The following ABCB4 variants were observed in gnomAD, a reference collection of about 807,000 sequenced individuals.
The protein encoded by ABCB4 is phosphatidylcholine translocator ABCB4.
Under a neutral mutation model 145.7 loss-of-function variants are expected in ABCB4, and 76 were observed. The observed-to-expected ratio is 0.52, with a 90% CI of 0.43 to 0.63. The LOEUF (loss-of-function observed/expected upper bound fraction) is 0.63. Ranked by LOEUF, ABCB4 falls within the 30% of genes least tolerant of loss-of-function variation. The pLI, the probability that ABCB4 is intolerant of heterozygous loss-of-function variation, is 0.00. For synonymous variants in ABCB4, 517 were observed against 566.8 expected (o/e 0.91, Z 1.25); for missense variants, 1,234 against 1,553.1 (o/e 0.79, Z 3.45).
Position 87,429,473 on chromosome 7 carries a change from GA to G in ABCB4, c.1893+1930del, listed in dbSNP as rs1199570429. Reference sequence around the variant, plus strand: ...AAAGTAAGCTTGGGAATTTGATATAGAAAGGTCAGAGCTGTCTGCATCTCTT... The same window carrying G: ...AAAGTAAGCTTGGGAATTTGATATAGAAGGTCAGAGCTGTCTGCATCTCTT... On this transcript the variant is annotated intron_variant, in intron 15 of 27. Transcript: ENST00000649586. Among the ~76,000 whole-genome samples, 4 of 152,276 alleles carry G rather than the reference GA, an allele frequency of 2.6e-5. No individual in the cohort carries two copies. The East Asian group carries it at 5.8e-4, about 22-fold the overall frequency.
chr7:87,424,188 G>T, intron 16 of ABCB4, 136 bp from the exon 17 acceptor site: 1 of 971,532 alleles, frequency 1.0e-6, no homozygotes, highest in Non-Finnish European at 1.6e-6. Flanking sequence ...AACTACTAGA[G>T]AGTAGGACAG....
chr7:87,407,602 G>C (rs566250545), intron 25 of ABCB4, among the ~76,000 whole-genome samples: 1 of 152,310 alleles, frequency 6.6e-6, no homozygotes, highest in Non-Finnish European at 1.5e-5. Flanking sequence ...GGAGGTTGAG[G>C]ATCAAAGTCA....
chr7:87,458,417 A>G (rs1195085712), intron 4 of ABCB4, among the ~76,000 whole-genome samples: 2 of 152,084 alleles, frequency 1.3e-5, no homozygotes, highest in African/African-American at 4.8e-5. Flanking sequence ...TGTAATATGA[A>G]CCTTTTTTTC....
chr7:87,382,489 C>T, the ABCB4 span: 148 of 1,613,812 alleles, frequency 9.2e-5, no homozygotes, highest in Non-Finnish European at 1.2e-4. Flanking sequence ...ATGCTTCACC[C>T]GGATACGTTT....
chr7:87,406,164 T>A lies in ABCB4; in HGVS notation c.3486+124A>T, dbSNP rs967299213. On this transcript the variant is annotated intron_variant, in intron 26 of 27. Transcript: ENST00000649586. ...AGGAAGCTTGGTATCCTGAAGTGCC[T>A]TGTCCAAGTTGTTAATGTTAGTAAA... The A allele has an allele frequency of 1.7e-5, 17 of 995,200 alleles. No homozygotes were observed. In the Middle Eastern group the frequency reaches 6.4e-4, roughly 37 times the overall value. 61.6% of individuals were successfully genotyped at this position (995,200 alleles called of 1,614,324 possible).
At chr7:87,466,747 A>G (rs1812933658) in intron 3 of ABCB4, among the ~76,000 whole-genome samples, 2 of 152,246 alleles carry the variant, frequency 1.3e-5, no homozygotes, top group Non-Finnish European at 1.5e-5. Flanking sequence ...CCAATATTCA[A>G]CATTCTTAAA....
the ABCB4 span, among the ~76,000 whole-genome samples, chr7:87,392,099 C>A: frequency 6.6e-6 from 1 of 152,158 alleles, no homozygotes; most frequent in Non-Finnish European, 1.5e-5. Context: ...GGAACCAGGA[C>A]AGTTGTATGC....
intron 4 of ABCB4, among the ~76,000 whole-genome samples, chr7:87,457,332 C>T (rs964796257): frequency 1.3e-5 from 2 of 152,082 alleles, no homozygotes; most frequent in African/African-American, 4.8e-5. Flanking sequence ...ATTACTTGAG[C>T]CCAGGAGCTC....
At chr7:87,417,892 A>AC (rs1809099151) in intron 20 of ABCB4, among the ~76,000 whole-genome samples, 1 of 152,264 alleles carries the variant, frequency 6.6e-6, no homozygotes, top group Non-Finnish European at 1.5e-5. Flanking sequence ...TAAAAGGGAA[A>AC]GAGACCATCT....
chr7:87,418,757 C>A, intron 19 of ABCB4, 137 bp from the exon 20 acceptor site: 1 of 777,012 alleles, frequency 1.3e-6, no homozygotes, highest in South Asian at 1.5e-5. Flanking sequence ...TGGCCTTGCT[C>A]TGAGCACACA....
At chr7:87,392,428 G>A in the ABCB4 span, 3 of 683,326 alleles carry the variant, frequency 4.4e-6, no homozygotes, top group East Asian at 2.5e-5. Flanking sequence ...GAAAGATATA[G>A]GAGTATGTGT....
chr7:87,438,960 T>C lies in ABCB4; in HGVS notation c.1731+707A>G, dbSNP rs45532637. Among the ~76,000 whole-genome samples the C allele has an allele frequency of 2.7e-3, 415 of 152,306 alleles. 2 individuals carry two copies. Among genetic ancestry groups the C allele is most frequent in the Middle Eastern group, 0.017 (5 of 294 alleles). ...ACTTGCACATATTATTACTGAACTG[T>C]CTTAAATCAAATATATTTATGATAT... On this transcript the variant is annotated intron_variant, in intron 14 of 27. Transcript: ENST00000649586.
chr7:87,467,941 C>T (rs1813048260), intron 3 of ABCB4, among the ~76,000 whole-genome samples: 1 of 152,140 alleles, frequency 6.6e-6, no homozygotes, highest in Non-Finnish European at 1.5e-5. Flanking sequence ...CAAGAGAAAG[C>T]AGGAAAGGTG....
At position 87,432,535 on chromosome 7, in the gene ABCB4, T is replaced by C. The variant is rs45499593; in HGVS notation, c.1732-970A>G. 2.9e-3 allele frequency among the ~76,000 whole-genome samples: 438 copies of C among 152,364 alleles called. 2 individuals carry two copies. Among genetic ancestry groups the C allele is most frequent in the Non-Finnish European group, 5.2e-3 (353 of 68,034 alleles). On this transcript the variant is annotated intron_variant, in intron 14 of 27. Transcript: ENST00000649586. ...GTATATCCATATAATGGAATATTGT[T>C]AGGCCATAAAATAGAATGCATTTTG... is the stretch of plus-strand genomic sequence containing the variant.
At chr7:87,387,230 A>G in the ABCB4 span, among the ~76,000 whole-genome samples, 1 of 152,030 alleles carries the variant, frequency 6.6e-6, no homozygotes, top group Non-Finnish European at 1.5e-5. Context: ...CTACTCTGCC[A>G]TTATGGTAAC....
At chr7:87,403,522 C>T in intron 26 of ABCB4, 1 of 533,538 alleles carries the variant, frequency 1.9e-6, no homozygotes, top group Non-Finnish European at 3.3e-6. Flanking sequence ...TCTAAAATAA[C>T]AAATGCTATA....
chr7:87,457,537 T>C (rs573313785), intron 4 of ABCB4, among the ~76,000 whole-genome samples: 1 of 152,322 alleles, frequency 6.6e-6, no homozygotes, highest in Non-Finnish European at 1.5e-5. Flanking sequence ...TTTTAGAGAG[T>C]ACCTATATAA....
At chr7:87,426,065 T>G (rs1809782323) in intron 16 of ABCB4, among the ~76,000 whole-genome samples, 1 of 152,090 alleles carries the variant, frequency 6.6e-6, no homozygotes, top group Non-Finnish European at 1.5e-5. Flanking sequence ...CATTGCTAAG[T>G]ATGGCCATGT....
the ABCB4 span, chr7:87,391,855 C>A: frequency 1.2e-6 from 1 of 805,540 alleles, no homozygotes; most frequent in South Asian, 1.8e-5. Context: ...GTTTTTAAAG[C>A]ATTTGTTCAT....
Sources: allele counts gnomAD v4.1 joint callset (sites outside exome capture counted in the v4.1 genomes callset), GRCh38; gene constraint gnomAD v4.1.1; transcripts MANE v1.5; gene names NCBI Gene and HGNC (gene_info 2026-07-23, HGNC 2026-07-21).